The following FLACC1 variants were observed in gnomAD, a reference collection of about 807,000 sequenced individuals.
FLACC1 encodes the protein flagellum associated containing coiled-coil domains 1.
A neutral mutation model predicts 62.8 loss-of-function variants in FLACC1; 66 were observed. The ratio of observed to expected loss-of-function variants is 1.05; its 90% CI spans 0.86 to 1.29. FLACC1 has a LOEUF of 1.29. FLACC1 is among the 50% of genes most tolerant of loss of function. The pLI is 0.00. For synonymous variants in FLACC1, 156 were observed against 161.0 expected (o/e 0.97, Z 0.24); for missense variants, 452 against 489.1 (o/e 0.92, Z 0.71).
chr2:201,343,057 T>C (rs562764640), intron 6 of FLACC1, among the ~76,000 whole-genome samples: 1 of 152,290 alleles, frequency 6.6e-6, no homozygotes, highest in African/African-American at 2.4e-5. Context: ...CCTCTCTGAC[T>C]ACTGGGGAGA....
intron 12 of FLACC1, among the ~76,000 whole-genome samples, chr2:201,293,584 T>G (rs1949788249): frequency 6.6e-6 from 1 of 151,986 alleles, no homozygotes; most frequent in South Asian, 2.1e-4. Context: ...GATCTAAAAT[T>G]GACACCCTAA....
At chr2:201,316,586 A>T (rs753449751) in intron 9 of FLACC1, among the ~76,000 whole-genome samples, 2 of 152,162 alleles carry the variant, frequency 1.3e-5, no homozygotes, top group Non-Finnish European at 2.9e-5. Flanking sequence ...TACACAAAAA[A>T]GTCCAGGACT....
intron 9 of FLACC1, among the ~76,000 whole-genome samples, chr2:201,328,221 T>C (rs1049334390): frequency 6.6e-6 from 1 of 152,030 alleles, no homozygotes; most frequent in Non-Finnish European, 1.5e-5. Context: ...ATACACTACT[T>C]AGATGATGGG....
chr2:201,360,929 T>G, upstream of FLACC1, among the ~76,000 whole-genome samples: 1 of 152,014 alleles, frequency 6.6e-6, no homozygotes, highest in East Asian at 1.9e-4. Flanking sequence ...AATAAAAAAA[T>G]TAGCTGGGTG....
At chr2:201,321,707 G>C (rs553942465) in intron 9 of FLACC1, among the ~76,000 whole-genome samples, 14 of 152,310 alleles carry the variant, frequency 9.2e-5, no homozygotes, top group African/African-American at 2.9e-4. Flanking sequence ...TGGCTGTCTG[G>C]AGATGAAAAG....
intron 5 of FLACC1, among the ~76,000 whole-genome samples, chr2:201,344,927 TG>T (rs1950882750): frequency 6.6e-6 from 1 of 152,162 alleles, no homozygotes; most frequent in Non-Finnish European, 1.5e-5. Flanking sequence ...AGAGAGAATG[TG>T]GGCTGATAAA....
chr2:201,339,160 G>A (rs895698064), intron 7 of FLACC1, among the ~76,000 whole-genome samples: 1 of 151,970 alleles, frequency 6.6e-6, no homozygotes, highest in Non-Finnish European at 1.5e-5. Flanking sequence ...ATCTTTTCAG[G>A]AATTTATCTA....
chr2:201,314,819 C>A (rs1559398061), intron 9 of FLACC1, among the ~76,000 whole-genome samples: 1 of 152,158 alleles, frequency 6.6e-6, no homozygotes, highest in Non-Finnish European at 1.5e-5. Context: ...GAAAACCTAT[C>A]AGACTAACAG....
At chr2:201,336,090 A>G (rs1182370650) in intron 7 of FLACC1, among the ~76,000 whole-genome samples, 1 of 152,162 alleles carries the variant, frequency 6.6e-6, no homozygotes, top group Admixed American at 6.5e-5. Flanking sequence ...TTTGGTGTAC[A>G]AATGATTTCA....
chr2:201,353,556 G>A (rs1951066605), intron 1 of FLACC1, among the ~76,000 whole-genome samples: 1 of 152,122 alleles, frequency 6.6e-6, no homozygotes. Context: ...ATTTTTAAAT[G>A]ATGTCAGTGG....
At chr2:201,309,548 A>T (rs1214036243) in intron 9 of FLACC1, among the ~76,000 whole-genome samples, 1 of 152,214 alleles carries the variant, frequency 6.6e-6, no homozygotes, top group Admixed American at 6.5e-5. Flanking sequence ...GAAGAAAGGT[A>T]GAGTTCTCCA....
At chr2:201,305,824 T>C (rs2125557601) in intron 11 of FLACC1, among the ~76,000 whole-genome samples, 1 of 151,700 alleles carries the variant, frequency 6.6e-6, no homozygotes, top group South Asian at 2.1e-4. Flanking sequence ...CTGAGCAAAC[T>C]ATTGCAAGGA....
At chr2:201,331,567 C>A (rs143262804) in intron 7 of FLACC1, among the ~76,000 whole-genome samples, 33 of 152,190 alleles carry the variant, frequency 2.2e-4, no homozygotes, top group East Asian at 1.2e-3. Context: ...CATGGAGGAA[C>A]CTTTAAAGCA....
chr2:201,305,402 T>C (rs1950081611), intron 11 of FLACC1, among the ~76,000 whole-genome samples: 1 of 152,176 alleles, frequency 6.6e-6, no homozygotes, highest in Admixed American at 6.5e-5. Flanking sequence ...TCACACCAGT[T>C]AGAATGGCGA....
chr2:201,301,749 C>A (rs1241426782), intron 11 of FLACC1, among the ~76,000 whole-genome samples: 2 of 152,212 alleles, frequency 1.3e-5, no homozygotes, highest in East Asian at 3.8e-4. Context: ...GAAACTCTAT[C>A]TACAAGCCAG....
At position 201,304,899 on chromosome 2, in the gene FLACC1, G is replaced by A. The variant is rs533251007; in HGVS notation, c.879+2620C>T. 1.4e-4 allele frequency among the ~76,000 whole-genome samples: 22 copies of A among 152,258 alleles called. No individual in the cohort carries two copies. In the East Asian group the frequency reaches 4.0e-3, roughly 28 times the overall value. On this transcript the variant is annotated intron_variant, in intron 11 of 14. Transcript: ENST00000392257. The stretch of plus-strand genomic sequence containing the variant: ...AGCCATATGTAGAAAGCTGAAACTG[G>A]ATCCCTTCCTTACATCTTATACAAA...
intron 9 of FLACC1, among the ~76,000 whole-genome samples, chr2:201,320,163 T>A (rs1950376959): frequency 6.6e-6 from 1 of 152,262 alleles, no homozygotes; most frequent in African/African-American, 2.4e-5. Context: ...CATTTCTTAC[T>A]GTTCCTCACG....
At chr2:201,343,634 C>T (rs1397945964) in intron 6 of FLACC1, among the ~76,000 whole-genome samples, 1 of 152,180 alleles carries the variant, frequency 6.6e-6, no homozygotes, top group African/African-American at 2.4e-5. Flanking sequence ...GCCAGGCCAA[C>T]AGGCACACCT....
chr2:201,291,150 G>A (rs1474166356), intron 12 of FLACC1, among the ~76,000 whole-genome samples: 1 of 152,186 alleles, frequency 6.6e-6, no homozygotes, highest in Non-Finnish European at 1.5e-5. Flanking sequence ...AGACTTAAAT[G>A]TCCCTGTCTG....
Sources: allele counts gnomAD v4.1 joint callset (sites outside exome capture counted in the v4.1 genomes callset), GRCh38; gene constraint gnomAD v4.1.1; transcripts MANE v1.5; gene names NCBI Gene and HGNC (gene_info 2026-07-23, HGNC 2026-07-21).